Variants in SYT14 observed in about 807,000 individuals in gnomAD.
The protein encoded by SYT14 is synaptotagmin 14.
SYT14 carries 32 observed loss-of-function variants against 74.2 expected under a neutral mutation model. The observed-to-expected ratio is 0.43, with a 90% confidence interval of 0.33 to 0.58. The LOEUF is 0.58. Among genes scored for constraint, SYT14 ranks in the 20% least tolerant of loss-of-function variants. The pLI, the probability that SYT14 is intolerant of heterozygous loss-of-function variation, is 0.05. For missense variants in SYT14, 791 were observed against 981.8 expected, an observed-to-expected ratio of 0.81 and a Z score of 2.60; for synonymous variants, 298 against 337.7, an observed-to-expected ratio of 0.88 and a Z score of 1.29.
At chr1:210,002,253 GC>G (rs1190065187) in intron 2 of SYT14, among the ~76,000 whole-genome samples, 1 of 151,942 alleles carries the variant, frequency 6.6e-6, no homozygotes, top group Non-Finnish European at 1.5e-5. Flanking sequence ...TTCTTCAAAA[GC>G]CCCCGTGCAC....
At chr1:210,104,699 G>A (rs2082127737) in intron 7 of SYT14, among the ~76,000 whole-genome samples, 2 of 151,892 alleles carry the variant, frequency 1.3e-5, no homozygotes, top group African/African-American at 4.8e-5. Flanking sequence ...TATTAGATTT[G>A]TTAATATTAT....
intron 5 of SYT14, among the ~76,000 whole-genome samples, chr1:210,080,662 T>C (rs953591139): frequency 3.9e-5 from 6 of 152,190 alleles, no homozygotes; most frequent in African/African-American, 1.4e-4. Context: ...GCACTGCAGG[T>C]ACAAAGATAA....
chr1:209,998,324 T>TCC (rs1333480733), intron 2 of SYT14, among the ~76,000 whole-genome samples: 1 of 152,054 alleles, frequency 6.6e-6, no homozygotes, highest in African/African-American at 2.4e-5. Context: ...TGGAAAGCCA[T>TCC]CCCGTGCTCA....
chr1:210,163,095 T>C (rs1386082874), exon 10 of SYT14: 1 of 453,394 alleles, frequency 2.2e-6, no homozygotes, highest in Non-Finnish European at 4.4e-6. Context: ...TTTTAGACTT[T>C]GAAACAACTG....
chr1:209,973,805 G>T (rs1205436218), intron 2 of SYT14, among the ~76,000 whole-genome samples: 2 of 152,188 alleles, frequency 1.3e-5, no homozygotes, highest in Non-Finnish European at 2.9e-5. Context: ...TAGAATGGTT[G>T]AACCAGTTTA....
chr1:209,945,820 A>G (rs1183083722), intron 1 of SYT14, among the ~76,000 whole-genome samples: 1 of 152,146 alleles, frequency 6.6e-6, no homozygotes, highest in Non-Finnish European at 1.5e-5. Flanking sequence ...GTACAGGCAT[A>G]CCTCCTTGCA....
At chr1:210,000,526 TC>T (rs2079877745) in intron 2 of SYT14, among the ~76,000 whole-genome samples, 2 of 150,854 alleles carry the variant, frequency 1.3e-5, no homozygotes. Context: ...CTTAGATACT[TC>T]TGTTGCTTTT....
At chr1:210,040,848 A>C (rs1433595166) in intron 5 of SYT14, among the ~76,000 whole-genome samples, 4 of 152,190 alleles carry the variant, frequency 2.6e-5, no homozygotes, top group African/African-American at 9.6e-5. Flanking sequence ...AAAATGAATA[A>C]AAATAAGCTC....
At chr1:210,023,037 T>C (rs1272220115) in intron 5 of SYT14, among the ~76,000 whole-genome samples, 1 of 152,180 alleles carries the variant, frequency 6.6e-6, no homozygotes, top group African/African-American at 2.4e-5. Flanking sequence ...CTTCTCATTT[T>C]ATTTTACCCA....
chr1:210,148,090 C>CA (rs5780558), intron 7 of SYT14, among the ~76,000 whole-genome samples: 5,693 of 151,866 alleles, frequency 0.037, 628 homozygotes, highest in East Asian at 0.23. Flanking sequence ...CTCACACAAA[C>CA]AAAAAAAACT....
intron 5 of SYT14, among the ~76,000 whole-genome samples, chr1:210,036,863 G>T (rs1194978958): frequency 1.3e-5 from 2 of 151,928 alleles, no homozygotes; most frequent in Non-Finnish European, 2.9e-5. Flanking sequence ...TTGCATCTGT[G>T]GTCATTAGGG....
At chr1:210,043,691 A>C (rs1055552947) in intron 5 of SYT14, among the ~76,000 whole-genome samples, 8 of 152,284 alleles carry the variant, frequency 5.3e-5, no homozygotes, top group Non-Finnish European at 1.2e-4. Flanking sequence ...TATGAGAAAG[A>C]GTAGGGTAGG....
intron 5 of SYT14, among the ~76,000 whole-genome samples, chr1:210,031,964 A>G (rs755174662): frequency 5.9e-5 from 9 of 152,138 alleles, no homozygotes; most frequent in Admixed American, 2.0e-4. Flanking sequence ...ATGGACTACT[A>G]TGCACTTTAG....
exon 10 of SYT14, chr1:210,160,931 G>C: frequency 2.5e-6 from 4 of 1,614,042 alleles, no homozygotes; most frequent in Non-Finnish European, 3.4e-6. Flanking sequence ...TGATAGGCTG[G>C]ATTTCTTTAG....
chr1:210,125,524 G>T (rs2082552437), intron 7 of SYT14, among the ~76,000 whole-genome samples: 1 of 152,174 alleles, frequency 6.6e-6, no homozygotes, highest in Non-Finnish European at 1.5e-5. Context: ...TGTTTTTTAA[G>T]TCATATCTTC....
chr1:210,064,629 T>A (rs1481707583), intron 5 of SYT14, among the ~76,000 whole-genome samples: 1 of 152,084 alleles, frequency 6.6e-6, no homozygotes, highest in Admixed American at 6.6e-5. Flanking sequence ...TATTCTGCTG[T>A]ATGTATATAC....
chr1:210,162,583 C>G (rs1158656149), exon 10 of SYT14: 1 of 350,348 alleles, frequency 2.9e-6, no homozygotes, highest in South Asian at 2.4e-5. Flanking sequence ...TAGACAAAAA[C>G]ATACTATTTA....
At chr1:210,038,217 C>A (rs957593033) in intron 5 of SYT14, among the ~76,000 whole-genome samples, 1 of 151,964 alleles carries the variant, frequency 6.6e-6, no homozygotes, top group Non-Finnish European at 1.5e-5. Context: ...TCTGTTTTAT[C>A]TGATATAAAT....
intron 5 of SYT14, among the ~76,000 whole-genome samples, chr1:210,029,684 C>A (rs544405654): frequency 2.6e-4 from 40 of 152,220 alleles, no homozygotes; most frequent in African/African-American, 8.9e-4. Context: ...ATTTTGAAAT[C>A]AAGAAGTTTG....
Sources: gnomAD v4.1 joint callset for allele counts (sites outside exome capture counted in the v4.1 genomes callset) on GRCh38, gnomAD v4.1.1 for gene constraint, MANE v1.5 for transcripts, NCBI Gene and HGNC (gene_info 2026-07-23, HGNC 2026-07-21) for gene names.